The following ADGRG4 variants were observed in gnomAD, a reference collection of about 807,000 sequenced individuals.
ADGRG4 encodes the protein G protein-coupled receptor 112.
ADGRG4 carries 122 observed loss-of-function variants against 126.2 expected under a neutral mutation model. The observed-to-expected ratio is 0.97, with a 90% CI of 0.83 to 1.12. The LOEUF (loss-of-function observed/expected upper bound fraction) is 1.12, where lower values mean the gene tolerates loss of function less well. ADGRG4 is among the 50% of genes most tolerant of loss of function. The pLI is 0.00. For missense variants in ADGRG4, 2,481 were observed against 2,251.8 expected, an observed-to-expected ratio of 1.10 and a Z score of -2.06; for synonymous variants, 943 against 838.7, an observed-to-expected ratio of 1.12 and a Z score of -2.15.
rs1316313869 is a variant in ADGRG4, at chrX:136,344,711, T to C, written c.1005T>C (p.Asn335=). The change falls in exon 6 of 26, where the codon AAT becomes AAC. Residue 335 remains asparagine (N), a synonymous_variant. Coordinates refer to ENST00000394143, the MANE Select transcript of ADGRG4 (RefSeq NM_153834.4). ...SLPTQSISID[N]TTNSMKKTKS... ...CTACCCAGAGTATATCCATAGACAA[T>C]ACTACCAATTCCATGAAAAAAACGA... is the stretch of plus-strand genomic sequence containing the variant. 6 of 1,207,140 alleles carry C rather than the reference T, an allele frequency of 5.0e-6. No homozygotes were observed. Among genetic ancestry groups the C allele is most frequent in the Non-Finnish European group, 5.6e-6 (5 of 891,940 alleles).
intron 15 of ADGRG4, among the ~76,000 whole-genome samples, chrX:136,380,919 T>A (rs2075260224): frequency 9.2e-6 from 1 of 108,998 alleles, no homozygotes; most frequent in African/African-American, 3.3e-5. Flanking sequence ...GGTCTTTCTT[T>A]GTTGCCCACA....
At position 136,349,933 on chromosome X, in the gene ADGRG4, C is replaced by T; in HGVS notation, c.6227C>T (p.Thr2076Ile). 8.3e-7 allele frequency: 1 copy of T among 1,210,868 alleles called. No individual in the cohort carries two copies. The highest frequency in any genetic ancestry group is 1.1e-6 in the Non-Finnish European group (1 of 894,784). ...TILTRTIPTP[T>I]LGGITTGFPT... Reference sequence around the variant, plus strand: ...CTCACCCGAACCATTCCTACACCTACACTGGGTGGTATCACTACTGGCTTC... The same window carrying T: ...CTCACCCGAACCATTCCTACACCTATACTGGGTGGTATCACTACTGGCTTC... The change falls in exon 6 of 26, where the codon ACA becomes ATA. Residue 2076 changes from threonine (T) to isoleucine (I), a missense_variant. Thr to Ile is a moderately conservative substitution (Grantham distance 89). Transcript: ENST00000394143.
At chrX:136,371,601 G>A (rs1471003808) in intron 14 of ADGRG4, 57 bp downstream of exon 14, 12 of 665,826 alleles carry the variant, frequency 1.8e-5, no homozygotes, top group East Asian at 1.4e-4. Context: ...AAATGCAGAC[G>A]GCCCTCTGTA....
Position 136,371,520 on chromosome X carries a change from C to G in ADGRG4, c.7589C>G (p.Ser2530Cys). 1 of 1,179,987 alleles carries G rather than the reference C, an allele frequency of 8.5e-7. No homozygotes were observed. The highest frequency in any genetic ancestry group is 1.1e-6 in the Non-Finnish European group (1 of 876,183). Residue 2530 changes from serine to cysteine, a missense_variant, in exon 14 of 26, where the codon TCT (serine) becomes TGT (cysteine). Coordinates refer to ENST00000394143, the MANE Select transcript of ADGRG4 (RefSeq NM_153834.4). ...TTGGAAAAGCAAAACAATTCCGCCT[C>G]TGATCTGCATGAAATAAGCAATGAG... Reference protein sequence around the residue: ...VVLEKQNNSASDLHEISNEIL... With the variant: ...VVLEKQNNSACDLHEISNEIL...
At chrX:136,359,158 G>A (rs1256415006) in intron 10 of ADGRG4, 134 bp from the exon 11 acceptor site, 3 of 515,602 alleles carry the variant, frequency 5.8e-6, no homozygotes, top group Non-Finnish European at 9.7e-6. Context: ...AAGATTGGCT[G>A]CTTAATAGCT....
chrX:136,319,770 A>G (rs1164424413), intron 4 of ADGRG4, among the ~76,000 whole-genome samples: 1 of 109,491 alleles, frequency 9.1e-6, no homozygotes, highest in Non-Finnish European at 1.9e-5. Flanking sequence ...ATTATCTATT[A>G]TTTATCTGTC....
At chrX:136,393,514 C>T (rs1430639551) in intron 17 of ADGRG4, 21 bp from the exon 18 acceptor site, 1 of 1,179,391 alleles carries the variant, frequency 8.5e-7, no homozygotes, top group Middle Eastern at 2.3e-4. Flanking sequence ...AGATGTTTAC[C>T]TCTGATTTCT....
Position 136,344,738 on chromosome X carries a change from A to G in ADGRG4, c.1032A>G (p.Lys344=). 8.3e-7 allele frequency: 1 copy of G among 1,209,530 alleles called. No homozygotes were observed. The highest frequency in any genetic ancestry group is 1.1e-6 in the Non-Finnish European group (1 of 894,194). The part of the protein sequence containing the change: ...DNTTNSMKKT[K]SPSSESTKTT... ...CTACCAATTCCATGAAAAAAACGAA[A>G]TCTCCATCTTCAGAAAGCACAAAGA... Residue 344 remains lysine (K), a synonymous_variant, in exon 6 of 26, where the codon AAA becomes AAG. Coordinates refer to ENST00000394143, the MANE Select transcript of ADGRG4 (RefSeq NM_153834.4).
intron 21 of ADGRG4, among the ~76,000 whole-genome samples, chrX:136,400,347 A>G (rs972843177): frequency 1.8e-5 from 2 of 111,833 alleles, no homozygotes; most frequent in African/African-American, 6.5e-5. Flanking sequence ...GTATTGTGCT[A>G]AGTGCTGGCT....
intron 9 of ADGRG4, among the ~76,000 whole-genome samples, chrX:136,356,862 G>T (rs1411403980): frequency 9.0e-6 from 1 of 111,129 alleles, no homozygotes; most frequent in Non-Finnish European, 1.9e-5. Context: ...TATTAGCCAG[G>T]CACGGTGGTG....
chrX:136,376,991 A>G (rs2075230482), intron 15 of ADGRG4, among the ~76,000 whole-genome samples: 1 of 110,594 alleles, frequency 9.0e-6, no homozygotes, highest in Non-Finnish European at 1.9e-5. Context: ...TATGTTGAAC[A>G]GAAATGGTAA....
intron 4 of ADGRG4, among the ~76,000 whole-genome samples, chrX:136,315,667 C>T (rs1373590853): frequency 8.9e-6 from 1 of 111,740 alleles, no homozygotes; most frequent in Non-Finnish European, 1.9e-5. Flanking sequence ...TGTTGAAGTC[C>T]TAACCCTCAG....
intron 7 of ADGRG4, 33 bp downstream of exon 7, chrX:136,351,574 A>T (rs762582996): frequency 3.6e-4 from 248 of 692,898 alleles, no homozygotes; most frequent in Middle Eastern, 3.2e-3. Flanking sequence ...TATGGCATAT[A>T]TAAATATATG....
intron 16 of ADGRG4, among the ~76,000 whole-genome samples, chrX:136,388,498 C>T (rs1011322171): frequency 8.9e-6 from 1 of 112,175 alleles, no homozygotes; most frequent in Non-Finnish European, 1.9e-5. Context: ...GCCTTAATTT[C>T]CTTCTCTGTA....
At chrX:136,409,899 T>C (rs1158905800) in intron 23 of ADGRG4, among the ~76,000 whole-genome samples, 2 of 112,437 alleles carry the variant, frequency 1.8e-5, no homozygotes, top group Non-Finnish European at 3.8e-5. Context: ...TATAGTACAG[T>C]AGTTAAGCCC....
At chrX:136,309,369 A>G (rs181359913) in intron 4 of ADGRG4, among the ~76,000 whole-genome samples, 1 of 112,424 alleles carries the variant, frequency 8.9e-6, no homozygotes, top group East Asian at 2.8e-4. Flanking sequence ...TATGACAGGA[A>G]TGAAAATAAT....
intron 4 of ADGRG4, among the ~76,000 whole-genome samples, chrX:136,309,180 C>T (rs923154725): frequency 4.4e-5 from 5 of 112,410 alleles, no homozygotes; most frequent in Non-Finnish European, 9.4e-5. Flanking sequence ...TCCTCTCCTC[C>T]GTAATGCTTT....
intron 14 of ADGRG4, 106 bp from the exon 15 acceptor site, chrX:136,372,796 G>A (rs2075202610): frequency 2.7e-6 from 2 of 748,060 alleles, no homozygotes; most frequent in South Asian, 4.7e-5. Context: ...TATAAAGATA[G>A]TGATTAAAAC....
At chrX:136,339,844 C>G (rs1272106467) in intron 5 of ADGRG4, among the ~76,000 whole-genome samples, 1 of 112,114 alleles carries the variant, frequency 8.9e-6, no homozygotes, top group Non-Finnish European at 1.9e-5. Context: ...CTTTTAACAT[C>G]AGTTCTTGGG....
Sources: gnomAD v4.1 joint callset for allele counts (sites outside exome capture counted in the v4.1 genomes callset) on GRCh38, gnomAD v4.1.1 for gene constraint, MANE v1.5 for transcripts, NCBI Gene and HGNC (gene_info 2026-07-23, HGNC 2026-07-21) for gene names.